The following TEX14 variants were observed in gnomAD, a reference collection of about 807,000 sequenced individuals.
TEX14 encodes the protein testis expressed 14, intercellular bridge forming factor, also known as inactive serine/threonine-protein kinase TEX14.
A neutral mutation model predicts 178.6 loss-of-function variants in TEX14; 168 were observed. The ratio of observed to expected loss-of-function variants is 0.94; its 90% CI spans 0.83 to 1.07. The LOEUF is 1.07. TEX14 is among the 50% of genes least tolerant of loss of function. TEX14 has a pLI of 0.00. For missense variants in TEX14, 1,730 were observed against 1,753.6 expected (o/e 0.99, Z 0.24); for synonymous variants, 626 against 634.1 (o/e 0.99, Z 0.19).
intron 18 of TEX14, 88 bp downstream of exon 18, chr17:58,585,713 C>T: frequency 5.5e-6 from 8 of 1,466,578 alleles, no homozygotes; most frequent in Non-Finnish European, 7.5e-6. Context: ...GCCTCACCTC[C>T]CAAAGTGCTG....
chr17:58,598,743 C>T, intron 14 of TEX14, 133 bp downstream of exon 14: 2 of 913,406 alleles, frequency 2.2e-6, no homozygotes, highest in South Asian at 1.6e-5. Context: ...CTTCCTCCCA[C>T]TCAGGTTACC....
intron 1 of TEX14, among the ~76,000 whole-genome samples, chr17:58,662,413 TCTCACACACA>T (rs1256986277): frequency 1.9e-3 from 241 of 127,674 alleles, no homozygotes; most frequent in Middle Eastern, 3.8e-3. Context: ...AGCACACATA[TCTCACACACA>T]CACACACACA....
chr17:58,671,976 C>A (rs1374285571), intron 1 of TEX14, among the ~76,000 whole-genome samples: 1 of 152,066 alleles, frequency 6.6e-6, no homozygotes, highest in Non-Finnish European at 1.5e-5. Flanking sequence ...GCACCAGGGA[C>A]CAGTTTCATG....
intron 2 of TEX14, among the ~76,000 whole-genome samples, chr17:58,640,745 A>G (rs1254235385): frequency 1.3e-5 from 2 of 151,876 alleles, no homozygotes; most frequent in African/African-American, 4.8e-5. Context: ...ATTTATTGAG[A>G]CGGTCTTGCT....
chr17:58,629,918 CTT>C (rs1196670899), intron 3 of TEX14, among the ~76,000 whole-genome samples: 20 of 116,696 alleles, frequency 1.7e-4, no homozygotes, highest in Non-Finnish European at 2.0e-4. Flanking sequence ...TTTTTTTTTC[CTT>C]TTTTTTTTTT....
At chr17:58,596,275 C>A (rs1406973506) in intron 14 of TEX14, among the ~76,000 whole-genome samples, 1 of 151,890 alleles carries the variant, frequency 6.6e-6, no homozygotes, top group Non-Finnish European at 1.5e-5. Flanking sequence ...TAAGTAAATT[C>A]TTTGTGCCTT....
intron 2 of TEX14, among the ~76,000 whole-genome samples, chr17:58,647,616 A>C (rs2046743127): frequency 3.1e-5 from 2 of 64,296 alleles, no homozygotes; most frequent in African/African-American, 1.6e-4. Context: ...AGGTCAGGCA[A>C]AAAAAAAAAA....
intron 28 of TEX14, among the ~76,000 whole-genome samples, chr17:58,563,507 C>A (rs2044312678): frequency 6.6e-6 from 1 of 150,412 alleles, no homozygotes; most frequent in South Asian, 2.1e-4. Context: ...AGGCAAAGAG[C>A]CAGGCATGGT....
At chr17:58,616,760 C>T (rs748159089) in intron 6 of TEX14, among the ~76,000 whole-genome samples, 1 of 152,176 alleles carries the variant, frequency 6.6e-6, no homozygotes, top group Non-Finnish European at 1.5e-5. Context: ...TTCTAAAAAC[C>T]TTTCAAGGTT....
chr17:58,563,835 C>G (rs1007934080), intron 28 of TEX14, among the ~76,000 whole-genome samples: 2 of 140,650 alleles, frequency 1.4e-5, no homozygotes, highest in African/African-American at 2.6e-5. Context: ...CACACACACA[C>G]AGACGGCAAA....
At chr17:58,598,256 G>A (rs998997023) in intron 14 of TEX14, among the ~76,000 whole-genome samples, 3 of 151,234 alleles carry the variant, frequency 2.0e-5, no homozygotes, top group Non-Finnish European at 4.4e-5. Flanking sequence ...GGAGGTTGTG[G>A]TGAGCCAAGA....
At chr17:58,673,306 A>G (rs2047334267) in intron 1 of TEX14, among the ~76,000 whole-genome samples, 1 of 151,496 alleles carries the variant, frequency 6.6e-6, no homozygotes, top group South Asian at 2.1e-4. Flanking sequence ...TGGCGAAACC[A>G]TAAAAAAAAA....
rs2044143797 is a variant in TEX14, at chr17:58,556,754, C to A, written c.*257G>T. The stretch of plus-strand genomic sequence containing the variant: ...AAAATTAACATCAACAAAACCAAAG[C>A]CATTCTAGGCACAACCAAAAATTTT... On this transcript the variant is annotated 3_prime_UTR_variant, in exon 32 of 32. Transcript: ENST00000349033. The A allele has an allele frequency of 7.0e-6, 3 of 426,490 alleles. No individual in the cohort carries two copies. Among genetic ancestry groups the A allele is most frequent in the Non-Finnish European group, 1.2e-5 (3 of 240,830 alleles). 26.4% of individuals were successfully genotyped at this position (426,490 alleles called of 1,614,324 possible). A position where few individuals can be genotyped will look rare whatever the true frequency, so the allele number is the denominator to read the frequency against.
At chr17:58,632,179 C>G (rs1252849116) in intron 2 of TEX14, among the ~76,000 whole-genome samples, 1 of 152,314 alleles carries the variant, frequency 6.6e-6, no homozygotes, top group East Asian at 1.9e-4. Flanking sequence ...GACTGATGAT[C>G]GGAAGCAAGA....
chr17:58,579,470 T>A (rs953828728), intron 20 of TEX14, among the ~76,000 whole-genome samples, 195 bp downstream of exon 20: 1 of 152,156 alleles, frequency 6.6e-6, no homozygotes, highest in Non-Finnish European at 1.5e-5. Context: ...AACACGTGGA[T>A]GTCATGAGGT....
At chr17:58,619,386 G>A (rs1343034951) in intron 5 of TEX14, among the ~76,000 whole-genome samples, 1 of 152,210 alleles carries the variant, frequency 6.6e-6, no homozygotes, top group Non-Finnish European at 1.5e-5. Context: ...CCTCAACTCA[G>A]TGCTTTTCTT....
chr17:58,615,199 G>C (rs1358854740), intron 8 of TEX14, 33 bp downstream of exon 8: 2 of 1,299,164 alleles, frequency 1.5e-6, no homozygotes, highest in East Asian at 2.3e-5. Context: ...AGAGAGACCT[G>C]GACCTATAAG....
chr17:58,571,881 C>T (rs1319365581), intron 24 of TEX14, 40 bp downstream of exon 24: 2 of 1,583,614 alleles, frequency 1.3e-6, no homozygotes, highest in Admixed American at 3.3e-5. Context: ...GCCCTTTGGG[C>T]TGACTCCATG....
At chr17:58,661,515 C>T (rs780486847) in intron 1 of TEX14, 3 of 780,034 alleles carry the variant, frequency 3.8e-6, no homozygotes, top group Admixed American at 1.7e-5. Flanking sequence ...GTCGCTCCTT[C>T]GACTTCGTCC....
Sources: allele counts gnomAD v4.1 joint callset (sites outside exome capture counted in the v4.1 genomes callset), GRCh38; gene constraint gnomAD v4.1.1; transcripts MANE v1.5; gene names NCBI Gene and HGNC (gene_info 2026-07-23, HGNC 2026-07-21).